EPB41L5: variants seen among roughly 807,000 people sequenced by gnomAD.
EPB41L5 encodes the protein band 4.1-like protein 5.
A neutral mutation model predicts 106.6 loss-of-function variants in EPB41L5; 55 were observed. That is an observed-to-expected ratio of 0.52 (90% CI 0.42 to 0.65). EPB41L5 has a LOEUF of 0.65. Among genes scored for constraint, EPB41L5 ranks in the 30% least tolerant of loss-of-function variants. The pLI, the probability that EPB41L5 is intolerant of heterozygous loss-of-function variation, is 0.00. For missense variants in EPB41L5, 871 were observed against 882.1 expected (o/e 0.99, Z 0.16); for synonymous variants, 297 against 306.7 (o/e 0.97, Z 0.33).
intron 16 of EPB41L5, among the ~76,000 whole-genome samples, chr2:120,121,131 A>G (rs1036052916): frequency 9.2e-5 from 14 of 152,304 alleles, no homozygotes; most frequent in Admixed American, 2.6e-4. Context: ...CATCTGTCCA[A>G]TTGAGATGGT....
intron 3 of EPB41L5, among the ~76,000 whole-genome samples, chr2:120,049,792 T>G (rs1444858816): frequency 6.6e-6 from 1 of 152,326 alleles, no homozygotes; most frequent in East Asian, 1.9e-4. Flanking sequence ...GGTTTTGCAG[T>G]GGCTGGTACC....
chr2:120,164,897 C>G lies in EPB41L5; in HGVS notation c.1949C>G (p.Thr650Arg). ...ASLTENLIDH[T>R]VAPQVSSTSM... ...CTAACTGAGAATCTAATTGATCACACAGTTGCACCTCAGGTAAATATGCTT... is the reference window on the plus strand; with the variant it reads ...CTAACTGAGAATCTAATTGATCACAGAGTTGCACCTCAGGTAAATATGCTT... The change falls in exon 22 of 25, where the codon ACA becomes AGA. Residue 650 changes from threonine (T) to arginine (R), a missense_variant. Physicochemically the swap from Thr to Arg is moderately conservative, Grantham distance 71. Transcript: ENST00000263713. 1 of 1,609,424 alleles carries G rather than the reference C, an allele frequency of 6.2e-7. No homozygotes were observed. The highest frequency in any genetic ancestry group is 8.5e-7 in the Non-Finnish European group (1 of 1,177,620).
intron 14 of EPB41L5, among the ~76,000 whole-genome samples, chr2:120,097,509 G>A (rs1683837346): frequency 6.6e-6 from 1 of 152,248 alleles, no homozygotes; most frequent in South Asian, 2.1e-4. Context: ...CATTTTTCTT[G>A]TACTGTTTTG....
At chr2:120,159,852 G>A (rs113607785) in intron 20 of EPB41L5, among the ~76,000 whole-genome samples, 1 of 152,318 alleles carries the variant, frequency 6.6e-6, no homozygotes, top group African/African-American at 2.4e-5. Flanking sequence ...TTTTTAAAAT[G>A]TGGTATGTAC....
At chr2:120,049,837 G>T (rs1680100059) in intron 3 of EPB41L5, among the ~76,000 whole-genome samples, 1 of 152,068 alleles carries the variant, frequency 6.6e-6, no homozygotes, top group Admixed American at 6.5e-5. Flanking sequence ...CTTCCTTCAG[G>T]AGCTCTTGTA....
chr2:120,075,721 C>G lies in EPB41L5; in HGVS notation c.473C>G (p.Thr158Arg). 1 of 1,613,598 alleles carries G rather than the reference C, an allele frequency of 6.2e-7. No individual in the cohort carries two copies. Among genetic ancestry groups the G allele is most frequent in the Non-Finnish European group, 8.5e-7 (1 of 1,179,638 alleles). The change falls in exon 7 of 25, where the codon ACA becomes AGA. Residue 158 changes from threonine to arginine, a missense_variant. Thr to Arg is a moderately conservative substitution (Grantham distance 71). Coordinates refer to ENST00000263713, the MANE Select transcript of EPB41L5 (RefSeq NM_020909.4). Reference protein sequence around the residue: ...LSGKLDCPFDTAVQLAAYNLQ... With the variant: ...LSGKLDCPFDRAVQLAAYNLQ... Reference sequence around the variant, plus strand: ...CTCAGATTAGACTGTCCCTTTGATACAGCAGTGCAATTGGCAGCTTATAAT... The same window carrying G: ...CTCAGATTAGACTGTCCCTTTGATAGAGCAGTGCAATTGGCAGCTTATAAT...
intron 18 of EPB41L5, among the ~76,000 whole-genome samples, chr2:120,139,243 A>T (rs1010011704): frequency 2.0e-5 from 3 of 152,076 alleles, no homozygotes; most frequent in African/African-American, 7.2e-5. Flanking sequence ...ATATTGGAGC[A>T]ACTCTCTAAA....
chr2:120,042,183 T>C, intron 3 of EPB41L5, 73 bp downstream of exon 3: 1 of 1,120,812 alleles, frequency 8.9e-7, no homozygotes, highest in Admixed American at 1.7e-5. Context: ...TACTAATTGC[T>C]ATAAGGCTTC....
At chr2:120,136,590 A>G (rs894845364) in intron 18 of EPB41L5, among the ~76,000 whole-genome samples, 1 of 152,038 alleles carries the variant, frequency 6.6e-6, no homozygotes. Context: ...TGGAAACCAA[A>G]AAAGAGCAGG....
At chr2:120,129,914 G>A (rs1209970299) in intron 17 of EPB41L5, among the ~76,000 whole-genome samples, 1 of 152,192 alleles carries the variant, frequency 6.6e-6, no homozygotes, top group Admixed American at 6.5e-5. Flanking sequence ...GGGAGGCCAA[G>A]GCAGGCGGAT....
Position 120,014,971 on chromosome 2 carries a change from T to TA in EPB41L5, c.-9+1775dup, listed in dbSNP as rs35008136. 6.3e-4 allele frequency among the ~76,000 whole-genome samples: 89 copies of TA among 141,048 alleles called. No homozygotes were observed. In the East Asian group the frequency reaches 6.3e-3, roughly 10 times the overall value. The allele number at this position is 141,048 out of a possible 152,430, so 92.5% of individuals were successfully genotyped here. On this transcript the variant is annotated intron_variant, in intron 1 of 24. Coordinates refer to ENST00000263713, the MANE Select transcript of EPB41L5 (RefSeq NM_020909.4). The stretch of plus-strand genomic sequence containing the variant: ...ATGAGAAAACTTTTTTCACAATCAT[T>TA]AAAAAAAAAAAAAACCCACAACTTT...
At chr2:120,049,335 T>A (rs1286455965) in intron 3 of EPB41L5, among the ~76,000 whole-genome samples, 1 of 152,204 alleles carries the variant, frequency 6.6e-6, no homozygotes, top group East Asian at 1.9e-4. Context: ...GCTTTATGTA[T>A]CTGTGTTCTC....
At chr2:120,048,112 C>T (rs1679941780) in intron 3 of EPB41L5, among the ~76,000 whole-genome samples, 1 of 9,810 alleles carries the variant, frequency 1.0e-4, no homozygotes, top group Non-Finnish European at 1.8e-4. Flanking sequence ...GGATATTGGT[C>T]TAAAATTCTT....
intron 20 of EPB41L5, among the ~76,000 whole-genome samples, chr2:120,160,189 A>G (rs552482445): frequency 7.8e-4 from 119 of 152,354 alleles, no homozygotes; most frequent in African/African-American, 2.7e-3. Flanking sequence ...CTGTATAACA[A>G]ACCTGCACAT....
chr2:120,095,177 TG>T (rs1208976229), intron 14 of EPB41L5, among the ~76,000 whole-genome samples: 1 of 152,216 alleles, frequency 6.6e-6, no homozygotes, highest in Non-Finnish European at 1.5e-5. Context: ...TTTCTGTTTT[TG>T]TTTCATGTAT....
At chr2:120,095,964 C>G (rs1307658467) in intron 14 of EPB41L5, among the ~76,000 whole-genome samples, 1 of 152,084 alleles carries the variant, frequency 6.6e-6, no homozygotes, top group Non-Finnish European at 1.5e-5. Context: ...ACCACCACGC[C>G]CAGCCGGCTC....
chr2:120,119,761 A>G (rs1685126080), intron 16 of EPB41L5, among the ~76,000 whole-genome samples: 1 of 152,218 alleles, frequency 6.6e-6, no homozygotes, highest in South Asian at 2.1e-4. Context: ...ACCTGCAATG[A>G]ATTTACAAAG....
intron 2 of EPB41L5, among the ~76,000 whole-genome samples, chr2:120,022,867 G>T (rs554059135): frequency 5.9e-5 from 9 of 152,090 alleles, no homozygotes; most frequent in African/African-American, 2.2e-4. Flanking sequence ...TTTATTGATG[G>T]CCATTCTAAC....
chr2:120,143,395 A>T (rs568901675), intron 19 of EPB41L5, among the ~76,000 whole-genome samples: 1 of 152,246 alleles, frequency 6.6e-6, no homozygotes, highest in African/African-American at 2.4e-5. Context: ...CTATGATTCT[A>T]GGTCTGTCTT....
Sources: allele counts gnomAD v4.1 joint callset (sites outside exome capture counted in the v4.1 genomes callset), GRCh38; gene constraint gnomAD v4.1.1; transcripts MANE v1.5; gene names NCBI Gene and HGNC (gene_info 2026-07-23, HGNC 2026-07-21).